ZNF7: variants seen among roughly 807,000 people sequenced by gnomAD.
ZNF7 encodes the protein C2-H2 type zinc finger protein.
ZNF7 carries 10 observed loss-of-function variants against 12.0 expected under a neutral mutation model. The ratio of observed to expected loss-of-function variants is 0.83; its 90% CI spans 0.51 to 1.42. The LOEUF is 1.42. Ranked by LOEUF, ZNF7 falls within the 40% of genes most tolerant of loss-of-function variation. The pLI is 0.00. For missense variants in ZNF7, 854 were observed against 837.2 expected (o/e 1.02, Z -0.25); for synonymous variants, 334 against 295.0 (o/e 1.13, Z -1.35).
At position 144,841,879 on chromosome 8, in the gene ZNF7, G is replaced by A. The variant is rs1197169318; in HGVS notation, c.772G>A (p.Val258Ile). 2 of 1,614,058 alleles carry A rather than the reference G, an allele frequency of 1.2e-6. No homozygotes were observed. Among genetic ancestry groups the A allele is most frequent in the Non-Finnish European group, 1.7e-6 (2 of 1,180,012 alleles). The change falls in exon 5 of 5, where the codon GTC (valine) becomes ATC (isoleucine). Residue 258 changes from valine (V) to isoleucine (I), a missense_variant. Coordinates refer to ENST00000532777, the MANE Select transcript of ZNF7 (RefSeq NM_003416.4). Reference sequence around the variant, plus strand: ...GTACGAATGTGCAGAGTGTGGGAAAGTCTTCAGGCTCTGCTCGCAGCTTAA... The same window carrying A: ...GTACGAATGTGCAGAGTGTGGGAAAATCTTCAGGCTCTGCTCGCAGCTTAA... ...KPYECAECGK[V>I]FRLCSQLNQH... is the part of the protein sequence containing the mutation.
chr8:144,841,676 G>C lies in ZNF7; in HGVS notation c.569G>C (p.Ser190Thr). Residue 190 changes from serine to threonine, a missense_variant, in exon 5 of 5, where the codon AGT (serine) becomes ACT (threonine). Transcript: ENST00000532777. The stretch of plus-strand genomic sequence containing the variant: ...CAGCCTCTTGAAAGTCAGGGAGAGA[G>C]TGCGGAAGGGATGTCCCAGAGATGC... The part of the protein sequence containing the change: ...DCQPLESQGE[S>T]AEGMSQRCEE... The C allele has an allele frequency of 6.2e-7, 1 of 1,614,186 alleles. No homozygotes were observed. The highest frequency in any genetic ancestry group is 8.5e-7 in the Non-Finnish European group (1 of 1,180,028).
intron 1 of ZNF7, chr8:144,828,660 C>T (rs1183675567): frequency 8.5e-6 from 2 of 234,738 alleles, no homozygotes; most frequent in East Asian, 1.0e-4. Flanking sequence ...TCATAGTTCC[C>T]TGTACTTGAG....
In ZNF7 at chr8:144,841,362, G is replaced by A. The variant is rs768075440; in HGVS notation, c.255G>A (p.Thr85=). The part of the protein sequence containing the change: ...EAPRTSKTDS[T]IRTENEQACE... The stretch of plus-strand genomic sequence containing the variant: ...TGTTCCTGTTTATTTCAGATTCTAC[G>A]ATTAGGACTGAAAATGAGCAGGCCT... The change falls in exon 5 of 5, where the codon ACG becomes ACA. Residue 85 remains threonine (T), a synonymous_variant. Coordinates refer to ENST00000532777, the MANE Select transcript of ZNF7 (RefSeq NM_003416.4). 6 of 1,602,248 alleles carry A rather than the reference G, an allele frequency of 3.7e-6. No individual in the cohort carries two copies. Among genetic ancestry groups the A allele is most frequent in the South Asian group, 1.1e-5 (1 of 90,588 alleles).
Position 144,842,522 on chromosome 8 carries a change from A to G in ZNF7, c.1415A>G (p.Asp472Gly), listed in dbSNP as rs1830074477. 1.2e-6 allele frequency: 2 copies of G among 1,614,146 alleles called. No individual in the cohort carries two copies. The highest frequency in any genetic ancestry group is 2.2e-5 in the South Asian group (2 of 91,084). Residue 472 changes from aspartate to glycine, a missense_variant, in exon 5 of 5, where the codon GAT (aspartate) becomes GGT (glycine). Coordinates refer to ENST00000532777, the MANE Select transcript of ZNF7 (RefSeq NM_003416.4). ...ACTGGAGAAAAACCATTTAAATGTG[A>G]TGAGTGTGGCAAAGGCTTTGTTCAG... is the stretch of plus-strand genomic sequence containing the variant. ...THTGEKPFKC[D>G]ECGKGFVQGS...
intron 4 of ZNF7, chr8:144,838,212 C>A: frequency 1.4e-6 from 1 of 694,722 alleles, no homozygotes; most frequent in South Asian, 1.5e-5. Flanking sequence ...TGTCTGTGTT[C>A]ATGTGGCCAT....
downstream of ZNF7, among the ~76,000 whole-genome samples, chr8:144,845,539 G>A (rs771966795): frequency 5.3e-5 from 8 of 152,298 alleles, no homozygotes; most frequent in South Asian, 2.1e-4. Context: ...GAATTTTCAC[G>A]TGAATCTGCT....
rs765787395 is a variant in ZNF7, at chr8:144,842,858, G to GT, written c.1752dup (p.Glu585Ter). On this transcript the variant is annotated frameshift_variant, in exon 5 of 5. Coordinates refer to ENST00000532777, the MANE Select transcript of ZNF7 (RefSeq NM_003416.4). LOFTEE classifies it low-confidence loss of function (END_TRUNC). Reference sequence around the variant, plus strand: ...GCAGGGGTGAAGCCCTATGAGTGCAGTGAGTGTGGAAAAGCCTTCAGCCGG... The same window carrying GT: ...GCAGGGGTGAAGCCCTATGAGTGCAGTTGAGTGTGGAAAAGCCTTCAGCCGG... 1.2e-6 allele frequency: 2 copies of GT among 1,614,128 alleles called. No homozygotes were observed. Among genetic ancestry groups the GT allele is most frequent in the Non-Finnish European group, 1.7e-6 (2 of 1,180,018 alleles).
In ZNF7 at chr8:144,837,475, AG is replaced by A. The variant is rs1829150368; in HGVS notation, c.219del (p.Thr74GlnfsTer27). The A allele has an allele frequency of 4.3e-6, 7 of 1,611,876 alleles. No individual in the cohort carries two copies. Among genetic ancestry groups the A allele is most frequent in the Non-Finnish European group, 5.9e-6 (7 of 1,178,230 alleles). The part of the protein sequence containing the change: ...EPWVLDLQGA[E>X]GTEAPRTSKT... ...TGGGTCCTCGACCTGCAGGGAGCAG[AG>A]GGGACAGAGGCACCAAGGACCTCCA... On this transcript the variant is annotated frameshift_variant, in exon 4 of 5. Transcript: ENST00000532777. LOFTEE classifies it low-confidence loss of function (END_TRUNC).
At chr8:144,831,091 A>G (rs1828398404) in intron 3 of ZNF7, 3 of 453,704 alleles carry the variant, frequency 6.6e-6, no homozygotes, top group South Asian at 1.6e-5. Flanking sequence ...CTTGCTTGGC[A>G]TGTAGCAGCT....
At chr8:144,840,206 A>G (rs994306871) in intron 4 of ZNF7, among the ~76,000 whole-genome samples, 3 of 152,230 alleles carry the variant, frequency 2.0e-5, no homozygotes, top group African/African-American at 4.8e-5. Flanking sequence ...CAGGGAAAGC[A>G]GCACATGAGG....
At chr8:144,839,742 A>T (rs560752854) in intron 4 of ZNF7, among the ~76,000 whole-genome samples, 2 of 152,334 alleles carry the variant, frequency 1.3e-5, no homozygotes, top group East Asian at 3.9e-4. Flanking sequence ...AAATGCCCAG[A>T]TATGTTACTT....
Position 144,842,515 on chromosome 8 carries a change from A to C in ZNF7, c.1408A>C (p.Lys470Gln), listed in dbSNP as rs1401830701. 10 of 1,614,166 alleles carry C rather than the reference A, an allele frequency of 6.2e-6. No homozygotes were observed. The highest frequency in any genetic ancestry group is 8.5e-6 in the Non-Finnish European group (10 of 1,180,026). The change falls in exon 5 of 5, where the codon AAA becomes CAA. Residue 470 changes from lysine to glutamine, a missense_variant. Physicochemically the swap from Lys to Gln is moderately conservative, Grantham distance 53. Transcript: ENST00000532777. ...AACTCACACTGGAGAAAAACCATTT[A>C]AATGTGATGAGTGTGGCAAAGGCTT... Reference protein sequence around the residue: ...QRTHTGEKPFKCDECGKGFVQ... With the variant: ...QRTHTGEKPFQCDECGKGFVQ...
At chr8:144,828,864 C>G in intron 1 of ZNF7, 179 bp from the exon 2 acceptor site, 2 of 724,456 alleles carry the variant, frequency 2.8e-6, no homozygotes, top group South Asian at 1.8e-5. Context: ...TAAAGAGGAA[C>G]AAGAGTTCAG....
intron 3 of ZNF7, among the ~76,000 whole-genome samples, chr8:144,833,343 T>G (rs183614461): frequency 5.2e-5 from 7 of 135,360 alleles, no homozygotes; most frequent in Admixed American, 1.4e-4. Context: ...TTTGTTTTGG[T>G]TTTTTTTTGT....
At position 144,837,500 on chromosome 8, in the gene ZNF7, C is replaced by T. The variant is rs143620306; in HGVS notation, c.240C>T (p.Ser80=). Residue 80 remains serine (S), a synonymous_variant, in exon 4 of 5, where the codon TCC becomes TCT. Transcript: ENST00000532777. ...AGGGGACAGAGGCACCAAGGACCTCCAAGACAGGTGAGGCTTAGATCCCAT... is the reference window on the plus strand; with the variant it reads ...AGGGGACAGAGGCACCAAGGACCTCTAAGACAGGTGAGGCTTAGATCCCAT... The part of the protein sequence containing the change: ...GAEGTEAPRT[S]KTDSTIRTEN... 54 of 1,607,546 alleles carry T rather than the reference C, an allele frequency of 3.4e-5. No individual in the cohort carries two copies. The African/African-American group carries it at 6.7e-4, about 20-fold the overall frequency.
downstream of ZNF7, chr8:144,846,251 G>C: frequency 7.0e-7 from 1 of 1,426,108 alleles, no homozygotes; most frequent in Non-Finnish European, 9.4e-7. Context: ...AAGGGGCTGG[G>C]GTGCAAGCTT....
At position 144,841,706 on chromosome 8, in the gene ZNF7, A is replaced by C; in HGVS notation, c.599A>C (p.Glu200Ala). The change falls in exon 5 of 5, where the codon GAG becomes GCG. Residue 200 changes from glutamate to alanine, a missense_variant. Coordinates refer to ENST00000532777, the MANE Select transcript of ZNF7 (RefSeq NM_003416.4). ...GAAGGGATGTCCCAGAGATGCGAGG[A>C]GTGTGGCAAAGGCATCAGAGCCACT... ...SAEGMSQRCE[E>A]CGKGIRATSD... is the part of the protein sequence containing the mutation. 1 of 1,614,184 alleles carries C rather than the reference A, an allele frequency of 6.2e-7. No individual in the cohort carries two copies. Among genetic ancestry groups the C allele is most frequent in the Non-Finnish European group, 8.5e-7 (1 of 1,180,030 alleles).
chr8:144,829,990 T>C, intron 3 of ZNF7: 1 of 163,078 alleles, frequency 6.1e-6, no homozygotes, highest in Admixed American at 6.0e-5. Flanking sequence ...GATGCCGTCA[T>C]CCCCTTGCCC....
Position 144,841,496 on chromosome 8 carries a change from T to G in ZNF7, c.389T>G (p.Val130Gly). 1 of 1,614,162 alleles carries G rather than the reference T, an allele frequency of 6.2e-7. No homozygotes were observed. Among genetic ancestry groups the G allele is most frequent in the Non-Finnish European group, 8.5e-7 (1 of 1,180,032 alleles). Residue 130 changes from valine to glycine, a missense_variant, in exon 5 of 5, where the codon GTC becomes GGC. Physicochemically the swap from Val to Gly is moderately radical, Grantham distance 109 (BLOSUM62 -3). Transcript: ENST00000532777. ...PGFGDVSDSEVWLDSHLGSPG... is the reference protein window; with the variant it reads ...PGFGDVSDSEGWLDSHLGSPG... ...TTTGGAGACGTTTCTGATTCTGAGG[T>G]CTGGTTAGACAGTCATCTGGGCAGT...
Sources: allele counts gnomAD v4.1 joint callset (sites outside exome capture counted in the v4.1 genomes callset), GRCh38; gene constraint gnomAD v4.1.1; transcripts MANE v1.5; gene names NCBI Gene and HGNC (gene_info 2026-07-23, HGNC 2026-07-21).